Variants in ARHGAP22 observed in about 807,000 individuals in gnomAD.
ARHGAP22 encodes rho GTPase-activating protein 22.
Under a neutral mutation model 59.1 loss-of-function variants are expected in ARHGAP22, and 48 were observed. That is an observed-to-expected ratio of 0.81 (90% CI 0.64 to 1.03). ARHGAP22 has a LOEUF of 1.03. Among genes scored for constraint, ARHGAP22 ranks in the 50% least tolerant of loss-of-function variants. The pLI is 0.00. For synonymous variants in ARHGAP22, 445 were observed against 416.4 expected (o/e 1.07, Z -0.84); for missense variants, 1,015 against 958.7 (o/e 1.06, Z -0.78).
Position 48,621,973 on chromosome 10 carries a change from C to G in ARHGAP22, c.52+30261G>C, listed in dbSNP as rs1247102992. On this transcript the variant is annotated intron_variant, in intron 1 of 9. Transcript: ENST00000435790. Reference sequence around the variant, plus strand: ...TTTTAGTGTAGCCCCTCCTCCTCTCCTTTGGTTATTCTTTTCATGGAGTAT... The same window carrying G: ...TTTTAGTGTAGCCCCTCCTCCTCTCGTTTGGTTATTCTTTTCATGGAGTAT... Among the ~76,000 whole-genome samples, 8 of 152,224 alleles carry G rather than the reference C, an allele frequency of 5.3e-5. No homozygotes were observed. The East Asian group carries it at 1.5e-3, about 29-fold the overall frequency.
intron 3 of ARHGAP22, among the ~76,000 whole-genome samples, chr10:48,508,759 CT>C (rs1406803941): frequency 1.3e-5 from 2 of 152,260 alleles, no homozygotes; most frequent in Non-Finnish European, 1.5e-5. Context: ...ATGGGAGGCA[CT>C]GCCCAGGGCA....
chr10:48,602,031 G>A (rs1383053146), intron 1 of ARHGAP22, among the ~76,000 whole-genome samples: 3 of 152,210 alleles, frequency 2.0e-5, no homozygotes, highest in Non-Finnish European at 4.4e-5. Flanking sequence ...TTGGCTGGGC[G>A]ACCATGATTC....
intron 2 of ARHGAP22, among the ~76,000 whole-genome samples, chr10:48,568,933 A>T (rs1385534774): frequency 1.3e-5 from 2 of 152,228 alleles, no homozygotes; most frequent in Non-Finnish European, 2.9e-5. Context: ...CCAGCTACTC[A>T]GACTGGGAGC....
rs551716310 is a variant in ARHGAP22 at position 48,459,579 on chromosome 10, C to T, written c.659+105G>A. ...CCCACTAGGAGGGCTGGCCCACCAT[C>T]CTGTCGCTAGCCCACCCCTGCCCAC... On this transcript the variant is annotated intron_variant, in intron 5 of 9. Transcript: ENST00000249601. 35 of 1,315,360 alleles carry T rather than the reference C, an allele frequency of 2.7e-5. No individual in the cohort carries two copies. The South Asian group carries it at 4.5e-4, about 17-fold the overall frequency. 81.5% of individuals were successfully genotyped at this position (1,315,360 alleles called of 1,614,324 possible).
chr10:48,589,157 C>A (rs956375210), intron 1 of ARHGAP22, among the ~76,000 whole-genome samples: 1 of 152,322 alleles, frequency 6.6e-6, no homozygotes, highest in Admixed American at 6.5e-5. Context: ...ATTTTGGCCT[C>A]TCCTGATATT....
chr10:48,564,943 GGATGGTC>G (rs886930419), intron 2 of ARHGAP22, among the ~76,000 whole-genome samples: 22 of 152,276 alleles, frequency 1.4e-4, no homozygotes, highest in Admixed American at 1.3e-4. Context: ...CCAGAACACC[GGATGGTC>G]TGGAAGCCTC....
chr10:48,452,665 A>G (rs2046094833), intron 8 of ARHGAP22, among the ~76,000 whole-genome samples: 2 of 152,194 alleles, frequency 1.3e-5, no homozygotes, highest in South Asian at 2.1e-4. Flanking sequence ...TGTCTTTTCT[A>G]TGGCAGCCTA....
At chr10:48,643,764 A>ATATATATATATATATATATATATAT (rs1554964584) in intron 1 of ARHGAP22, among the ~76,000 whole-genome samples, 13 of 144,214 alleles carry the variant, frequency 9.0e-5, no homozygotes, top group African/African-American at 3.1e-4. Context: ...AAAAAAAAAA[A>ATATATATATATATATATATATATAT]ATATATATAT....
At chr10:48,448,211 TC>T (rs942992138) in intron 9 of ARHGAP22, among the ~76,000 whole-genome samples, 1 of 151,790 alleles carries the variant, frequency 6.6e-6, no homozygotes, top group African/African-American at 2.4e-5. Context: ...CCCCTGACTC[TC>T]CCCCACTACA....
intron 3 of ARHGAP22, chr10:48,524,033 C>A: frequency 6.8e-7 from 1 of 1,471,926 alleles, no homozygotes; most frequent in Non-Finnish European, 9.0e-7. Flanking sequence ...GAGCGGGGCG[C>A]ACGTGCGCGC....
chr10:48,579,771 G>C (rs1075808), intron 2 of ARHGAP22, among the ~76,000 whole-genome samples: 61,978 of 151,758 alleles, frequency 0.41, 13,486 homozygotes, highest in Non-Finnish European at 0.49. Context: ...CTACAGGAGA[G>C]TGCTGACCGC....
chr10:48,655,084 CTTCTCTTCT>C (rs2062749305), upstream of ARHGAP22, among the ~76,000 whole-genome samples: 1 of 78,416 alleles, frequency 1.3e-5, no homozygotes, highest in African/African-American at 4.9e-5. Context: ...CTTCTCTTCT[CTTCTCTTCT>C]CTTCTCTTCT....
At chr10:48,593,934 GC>G (rs1329019851) in intron 1 of ARHGAP22, among the ~76,000 whole-genome samples, 1 of 152,192 alleles carries the variant, frequency 6.6e-6, no homozygotes, top group Non-Finnish European at 1.5e-5. Flanking sequence ...CTAAAGGGAA[GC>G]CCGGAGCTGT....
At position 48,583,114 on chromosome 10, in the gene ARHGAP22, T is replaced by G. The variant is rs780134755; in HGVS notation, c.73A>C (p.Ser25Arg). 6.2e-7 allele frequency: 1 copy of G among 1,614,228 alleles called. No individual in the cohort carries two copies. The highest frequency in any genetic ancestry group is 1.1e-5 in the South Asian group (1 of 91,080). ...TGAGGGCACGGCATCCGCCCAGGGCTCCGGCTCTGCTCCCCCATCACTAGG... is the reference window on the plus strand; with the variant it reads ...TGAGGGCACGGCATCCGCCCAGGGCGCCGGCTCTGCTCCCCCATCACTAGG... ...KSLVMGEQSR[S>R]PGRMPCPHRL... is the part of the protein sequence containing the mutation. The change falls in exon 2 of 10, where the codon AGC becomes CGC. Residue 25 changes from serine to arginine, a missense_variant. Ser to Arg is a moderately radical substitution (Grantham distance 110). Coordinates refer to ENST00000249601, the MANE Select transcript of ARHGAP22 (RefSeq NM_021226.4).
At chr10:48,628,568 T>C (rs915174693) in intron 1 of ARHGAP22, among the ~76,000 whole-genome samples, 2 of 152,148 alleles carry the variant, frequency 1.3e-5, no homozygotes, top group Non-Finnish European at 2.9e-5. Context: ...CCCTACCACC[T>C]TGAGGCTCCA....
chr10:48,600,384 C>T (rs185738846), intron 1 of ARHGAP22, among the ~76,000 whole-genome samples: 151 of 152,208 alleles, frequency 9.9e-4, no homozygotes, highest in Middle Eastern at 3.4e-3. Flanking sequence ...ACTGGGAAGA[C>T]ACAGGAGAAA....
chr10:48,567,533 G>C (rs1405636376), intron 2 of ARHGAP22, among the ~76,000 whole-genome samples: 2 of 152,190 alleles, frequency 1.3e-5, no homozygotes, highest in African/African-American at 2.4e-5. Context: ...TGGGAGAAGG[G>C]AGGAGAGGCC....
chr10:48,450,375 G>C lies in ARHGAP22; in HGVS notation c.1754C>G (p.Pro585Arg). 1 of 1,575,246 alleles carries C rather than the reference G, an allele frequency of 6.3e-7. No homozygotes were observed. Among genetic ancestry groups the C allele is most frequent in the Non-Finnish European group, 8.6e-7 (1 of 1,161,082 alleles). ...CGCGTGTTCCCGGGTGGGGCTGTCC[G>C]GCTCGCTGGGCTCGCTGTTGCTGGC... is the stretch of plus-strand genomic sequence containing the variant. Reference protein sequence around the residue: ...AGASNSEPSEPDSPTREHARR... With the variant: ...AGASNSEPSERDSPTREHARR... The change falls in exon 9 of 10, where the codon CCG becomes CGG. Residue 585 changes from proline (P) to arginine (R), a missense_variant. Coordinates refer to ENST00000249601, the MANE Select transcript of ARHGAP22 (RefSeq NM_021226.4).
intron 3 of ARHGAP22, among the ~76,000 whole-genome samples, chr10:48,552,359 C>T (rs139952303): frequency 1.9e-3 from 284 of 152,378 alleles, no homozygotes; most frequent in African/African-American, 6.4e-3. Context: ...AGACCCCAGG[C>T]GGGGCTGTTA....
Sources: allele counts gnomAD v4.1 joint callset (sites outside exome capture counted in the v4.1 genomes callset), GRCh38; gene constraint gnomAD v4.1.1; transcripts MANE v1.5; gene names NCBI Gene and HGNC (gene_info 2026-07-23, HGNC 2026-07-21).